The following CSMD1 variants were observed in gnomAD, a reference collection of about 807,000 sequenced individuals.
The protein encoded by CSMD1 is CUB and sushi domain-containing protein 1.
Under a neutral mutation model 417.5 loss-of-function variants are expected in CSMD1, and 213 were observed. The ratio of observed to expected loss-of-function variants is 0.51; its 90% CI spans 0.46 to 0.57. The LOEUF (loss-of-function observed/expected upper bound fraction) is 0.57, where lower values mean the gene tolerates loss of function less well. Ranked by LOEUF, CSMD1 falls within the 20% of genes least tolerant of loss-of-function variation. CSMD1 has a pLI of 0.00. For missense variants in CSMD1, 6,923 were observed against 4,529.7 expected (o/e 1.53, Z -15.17); for synonymous variants, 2,862 against 1,736.8 (o/e 1.65, Z -16.11).
chr8:3,547,524 A>C (rs1394079845), intron 10 of CSMD1, among the ~76,000 whole-genome samples: 2 of 152,170 alleles, frequency 1.3e-5, no homozygotes, highest in African/African-American at 4.8e-5. Flanking sequence ...CGTCTCTCAA[A>C]TAAGAAAATA....
intron 26 of CSMD1, among the ~76,000 whole-genome samples, chr8:3,271,110 G>C (rs1801820142): frequency 7.9e-6 from 1 of 126,732 alleles, no homozygotes; most frequent in Admixed American, 1.0e-4. Flanking sequence ...CCCAGAGTGT[G>C]ATGTTCCCCT....
Position 3,658,987 on chromosome 8 carries a change from G to C in CSMD1, c.1010-42190C>G, listed in dbSNP as rs183625019. 3.0e-4 allele frequency among the ~76,000 whole-genome samples: 45 copies of C among 152,220 alleles called. No individual in the cohort carries two copies. In the East Asian group the frequency reaches 7.7e-3, roughly 26 times the overall value. On this transcript the variant is annotated intron_variant, in intron 7 of 69. Transcript: ENST00000635120. ...CTAGGAATGACCTAATATTTGTAGT[G>C]TGTTCTTCTAAAATACTTCTAGGTC...
At chr8:4,509,689 A>T (rs1305849134) in intron 2 of CSMD1, among the ~76,000 whole-genome samples, 2 of 151,120 alleles carry the variant, frequency 1.3e-5, no homozygotes, top group African/African-American at 2.4e-5. Context: ...AGTCATGCTG[A>T]TAATAGACAC....
intron 2 of CSMD1, among the ~76,000 whole-genome samples, chr8:4,520,626 A>C (rs1317803892): frequency 6.6e-6 from 1 of 152,152 alleles, no homozygotes; most frequent in East Asian, 1.9e-4. Context: ...TTCTTGGTTT[A>C]GATAAGTTAT....
At chr8:4,713,017 A>T (rs1292874946) in intron 1 of CSMD1, among the ~76,000 whole-genome samples, 3 of 152,234 alleles carry the variant, frequency 2.0e-5, no homozygotes, top group Non-Finnish European at 4.4e-5. Flanking sequence ...AGGCTGCCTG[A>T]CTACAAGGTG....
rs371563136 is a variant in CSMD1 at position 3,387,614 on chromosome 8, C to A, written c.2662G>T (p.Asp888Tyr). 8.7e-6 allele frequency: 14 copies of A among 1,601,534 alleles called. No individual in the cohort carries two copies. In the African/African-American group the frequency reaches 1.9e-4, roughly 21 times the overall value. ...GTCACTGTGGACCTGATGCCAAAGT[C>A]TCCACCGTGGCGATGGCCGTTCACA... ...IPVNGHRHGG[D>Y]FGIRSTVTFS... The change falls in exon 18 of 70, where the codon GAC (aspartate) becomes TAC (tyrosine). Residue 888 changes from aspartate to tyrosine, a missense_variant. Coordinates refer to ENST00000635120, the MANE Select transcript of CSMD1 (RefSeq NM_033225.6).
intron 1 of CSMD1, among the ~76,000 whole-genome samples, chr8:4,954,541 T>A (rs184478837): frequency 3.3e-4 from 50 of 152,284 alleles, no homozygotes; most frequent in Admixed American, 2.2e-3. Flanking sequence ...TTTTATTTTT[T>A]TAAAAAATAT....
chr8:4,853,582 C>T (rs1198703244), intron 1 of CSMD1, among the ~76,000 whole-genome samples: 1 of 152,244 alleles, frequency 6.6e-6, no homozygotes, highest in Admixed American at 6.5e-5. Context: ...TAGAGTCCCA[C>T]ACAGATATTT....
chr8:3,923,638 C>G (rs1306124522), intron 5 of CSMD1, among the ~76,000 whole-genome samples: 7 of 152,172 alleles, frequency 4.6e-5, no homozygotes, highest in African/African-American at 1.7e-4. Flanking sequence ...TTTAACTCTA[C>G]TCTCTTAGAA....
At chr8:4,089,451 T>A (rs1585290291) in intron 3 of CSMD1, among the ~76,000 whole-genome samples, 1 of 152,318 alleles carries the variant, frequency 6.6e-6, no homozygotes, top group Non-Finnish European at 1.5e-5. Context: ...CTCATTTTTG[T>A]GTCCTTCATA....
chr8:4,832,642 A>C (rs2117449947), intron 1 of CSMD1, among the ~76,000 whole-genome samples: 1 of 152,336 alleles, frequency 6.6e-6, no homozygotes, highest in South Asian at 2.1e-4. Flanking sequence ...CTATCTGCTA[A>C]ATGCTTTAAA....
At chr8:4,859,204 G>C (rs1455004956) in intron 1 of CSMD1, among the ~76,000 whole-genome samples, 1 of 151,740 alleles carries the variant, frequency 6.6e-6, no homozygotes, top group Non-Finnish European at 1.5e-5. Flanking sequence ...GGGAAAACTG[G>C]CTAGCCATAT....
intron 12 of CSMD1, among the ~76,000 whole-genome samples, chr8:3,437,561 T>A (rs1357407894): frequency 6.6e-6 from 1 of 152,198 alleles, no homozygotes; most frequent in African/African-American, 2.4e-5. Context: ...AGGGAAAAAC[T>A]GGACTGCAGG....
intron 23 of CSMD1, among the ~76,000 whole-genome samples, chr8:3,328,611 A>G (rs1488111870): frequency 6.6e-6 from 1 of 152,168 alleles, no homozygotes; most frequent in African/African-American, 2.4e-5. Flanking sequence ...ATAGTGGGCT[A>G]TGTGTCTGAG....
At chr8:3,268,287 CTA>C (rs370347068) in intron 26 of CSMD1, among the ~76,000 whole-genome samples, 8 of 114,658 alleles carry the variant, frequency 7.0e-5, no homozygotes, top group Admixed American at 2.1e-4. Flanking sequence ...GGTTCATTTC[CTA>C]TTTTTTTTTT....
chr8:4,211,751 T>G (rs1800325551), intron 3 of CSMD1, among the ~76,000 whole-genome samples: 2 of 152,280 alleles, frequency 1.3e-5, no homozygotes, highest in South Asian at 4.1e-4. Flanking sequence ...GCCCTGCAAA[T>G]GTCAACCTCC....
intron 12 of CSMD1, among the ~76,000 whole-genome samples, chr8:3,433,315 C>T (rs1020265837): frequency 6.6e-6 from 1 of 152,210 alleles, no homozygotes; most frequent in Non-Finnish European, 1.5e-5. Flanking sequence ...ATTTCCTTGA[C>T]AGGGACTTCC....
At chr8:4,164,261 A>C (rs1797329668) in intron 3 of CSMD1, among the ~76,000 whole-genome samples, 1 of 152,198 alleles carries the variant, frequency 6.6e-6, no homozygotes, top group Non-Finnish European at 1.5e-5. Context: ...AAATGATGTT[A>C]AAAAAGATTA....
At chr8:4,497,668 A>G (rs1314852064) in intron 2 of CSMD1, among the ~76,000 whole-genome samples, 4 of 152,140 alleles carry the variant, frequency 2.6e-5, no homozygotes, top group Admixed American at 6.6e-5. Context: ...GGAAATTACC[A>G]TACTCCAATT....
Sources: gnomAD v4.1 joint callset for allele counts (sites outside exome capture counted in the v4.1 genomes callset) on GRCh38, gnomAD v4.1.1 for gene constraint, MANE v1.5 for transcripts, NCBI Gene and HGNC (gene_info 2026-07-23, HGNC 2026-07-21) for gene names.